The following GSE1 variants were observed in gnomAD, a reference collection of about 807,000 sequenced individuals.
GSE1 encodes Gse1 coiled-coil protein.
In GSE1, 32 loss-of-function variants were observed where a neutral mutation model predicts 112.6. That is an observed-to-expected ratio of 0.28 (90% CI 0.21 to 0.38). GSE1 has a LOEUF of 0.38. Ranked by LOEUF, GSE1 falls within the 10% of genes least tolerant of loss-of-function variation. The pLI is 1.00. For missense variants in GSE1, 2,348 were observed against 1,699.2 expected (o/e 1.38, Z -6.71); for synonymous variants, 1,115 against 735.6 (o/e 1.52, Z -8.35).
chr16:85,388,116 G>C (rs1418885139), intron 2 of GSE1, among the ~76,000 whole-genome samples: 1 of 144,466 alleles, frequency 6.9e-6, no homozygotes. Context: ...GGATGGGTAA[G>C]TGGACGGATG....
At chr16:85,519,108 G>C (rs1487794146) in intron 2 of GSE1, among the ~76,000 whole-genome samples, 36 of 152,186 alleles carry the variant, frequency 2.4e-4, no homozygotes, top group Admixed American at 2.4e-3. Context: ...CTACCTCATA[G>C]GGATTTGTGA....
chr16:85,612,729 G>A (rs946160813), upstream of GSE1, among the ~76,000 whole-genome samples: 1 of 152,100 alleles, frequency 6.6e-6, no homozygotes, highest in Non-Finnish European at 1.5e-5. Context: ...TACACAGTCT[G>A]TTTTGTGTCG....
intron 2 of GSE1, among the ~76,000 whole-genome samples, chr16:85,430,564 G>A (rs1319931307): frequency 2.6e-5 from 4 of 152,204 alleles, no homozygotes; most frequent in Non-Finnish European, 4.4e-5. Context: ...GCGGAGGGGT[G>A]AGCATGGAGC....
intron 1 of GSE1, among the ~76,000 whole-genome samples, chr16:85,304,198 C>T (rs1481055234): frequency 1.3e-5 from 2 of 152,358 alleles, no homozygotes; most frequent in Admixed American, 6.5e-5. Context: ...CATAGCCAGC[C>T]GTCCTGCTTT....
chr16:85,478,218 A>G (rs550703334), intron 2 of GSE1, among the ~76,000 whole-genome samples: 5 of 152,114 alleles, frequency 3.3e-5, no homozygotes, highest in East Asian at 3.9e-4. Flanking sequence ...CTACCTTCCT[A>G]TGGCTGAGGA....
At chr16:85,188,221 G>A (rs1010138922) in intron 1 of GSE1, among the ~76,000 whole-genome samples, 30 of 152,138 alleles carry the variant, frequency 2.0e-4, no homozygotes, top group Admixed American at 2.0e-3. Flanking sequence ...GGTCCTTCAC[G>A]GGGCTGCTGG....
At chr16:85,357,313 T>C in intron 1 of GSE1, 1 of 341,116 alleles carries the variant, frequency 2.9e-6, no homozygotes, top group Non-Finnish European at 5.1e-6. Flanking sequence ...CCTGCTCTGC[T>C]GTTGCCCTGA....
At chr16:85,256,516 AGGG>A (rs1907095717) in intron 1 of GSE1, among the ~76,000 whole-genome samples, 1 of 152,228 alleles carries the variant, frequency 6.6e-6, no homozygotes, top group Non-Finnish European at 1.5e-5. Flanking sequence ...ACTCGGGGTC[AGGG>A]CCGCCCAGGC....
chr16:85,515,130 T>C (rs1009444849), intron 2 of GSE1, among the ~76,000 whole-genome samples: 1 of 152,176 alleles, frequency 6.6e-6, no homozygotes, highest in Non-Finnish European at 1.5e-5. Context: ...GAGGCAATCT[T>C]GCTGCTCCCA....
chr16:85,315,234 C>T (rs535446421), intron 1 of GSE1, among the ~76,000 whole-genome samples: 1 of 152,236 alleles, frequency 6.6e-6, no homozygotes, highest in East Asian at 1.9e-4. Context: ...GGAGGCTCAG[C>T]GGGAGGCCAC....
chr16:85,477,554 GGTTTTTTTTTT>G (rs2050496748), intron 2 of GSE1, among the ~76,000 whole-genome samples: 1 of 143,098 alleles, frequency 7.0e-6, no homozygotes, highest in African/African-American at 2.5e-5. Flanking sequence ...AAAGGTCTTA[GGTTTTTTTTTT>G]GTTTTTTTTT....
chr16:85,323,036 C>CT (rs912280977), intron 1 of GSE1, among the ~76,000 whole-genome samples: 46 of 152,084 alleles, frequency 3.0e-4, no homozygotes, highest in African/African-American at 1.1e-3. Flanking sequence ...CTTTTTCCTA[C>CT]TTTGTCACCT....
intron 2 of GSE1, among the ~76,000 whole-genome samples, chr16:85,372,404 G>A (rs2047319910): frequency 6.7e-6 from 1 of 150,268 alleles, no homozygotes; most frequent in African/African-American, 2.5e-5. Flanking sequence ...ACCTTAGCCT[G>A]GGAGGTTGAG....
chr16:85,467,061 A>G lies in GSE1; in HGVS notation c.2464+109418A>G, dbSNP rs189095030. 1.5e-3 allele frequency among the ~76,000 whole-genome samples: 224 copies of G among 152,314 alleles called. 1 individual carries two copies. Among genetic ancestry groups the G allele is most frequent in the African/African-American group, 4.4e-3 (183 of 41,576 alleles). On this transcript the variant is annotated intron_variant, in intron 2 of 2. Transcript: ENST00000637419. Reference sequence around the variant, plus strand: ...GGCGACTCCATCTTAAAAATAAATAAAAAGGAAGAGGCCAGGTAGGAAGTG... The same window carrying G: ...GGCGACTCCATCTTAAAAATAAATAGAAAGGAAGAGGCCAGGTAGGAAGTG...
intron 1 of GSE1, among the ~76,000 whole-genome samples, chr16:85,630,372 C>G (rs1274004585): frequency 6.6e-6 from 1 of 152,192 alleles, no homozygotes; most frequent in Non-Finnish European, 1.5e-5. Context: ...TTTTGAGAGA[C>G]AGGGTTCTGT....
rs1010160754 is a variant in GSE1, at chr16:85,583,087, C to A, written c.37+26724C>A. ...TACACCCCCAGCTCTCCAGAGGACACCCTCCTGCGAGGGTGGTGTCCTGGG... is the reference window on the plus strand; with the variant it reads ...TACACCCCCAGCTCTCCAGAGGACAACCTCCTGCGAGGGTGGTGTCCTGGG... On this transcript the variant is annotated intron_variant, in intron 1 of 2. Coordinates refer to the GSE1 transcript ENST00000635906. Among the ~76,000 whole-genome samples the A allele has an allele frequency of 6.6e-5, 10 of 152,250 alleles. No homozygotes were observed. In the East Asian group the frequency reaches 1.9e-3, roughly 30 times the overall value.
intron 8 of GSE1, chr16:85,659,573 C>T (rs1450033097): frequency 6.6e-6 from 1 of 152,120 alleles, no homozygotes; most frequent in East Asian, 1.9e-4. Context: ...CAGGGCAGGT[C>T]GGAAATGGAG....
chr16:85,591,996 A>C (rs2047021085), intron 1 of GSE1, among the ~76,000 whole-genome samples: 1 of 152,134 alleles, frequency 6.6e-6, no homozygotes, highest in African/African-American at 2.4e-5. Flanking sequence ...CGTTGTATTT[A>C]ATTTTAATTC....
chr16:85,613,220 C>T (rs2048111686), upstream of GSE1: 6 of 1,494,362 alleles, frequency 4.0e-6, no homozygotes, highest in Admixed American at 4.6e-5. Context: ...GGTGTGTCCT[C>T]GGCGGCGACA....
Sources: allele counts gnomAD v4.1 joint callset (sites outside exome capture counted in the v4.1 genomes callset), GRCh38; gene constraint gnomAD v4.1.1; transcripts MANE v1.5; gene names NCBI Gene and HGNC (gene_info 2026-07-23, HGNC 2026-07-21).